LDLRAD3: variants seen among roughly 807,000 people sequenced by gnomAD.
LDLRAD3 encodes low-density lipoprotein receptor class A domain-containing protein 3.
In LDLRAD3, 20 loss-of-function variants were observed where a neutral mutation model predicts 29.4. That is an observed-to-expected ratio of 0.68 (90% CI 0.48 to 0.99). The LOEUF (loss-of-function observed/expected upper bound fraction) is 0.99. Among genes scored for constraint, LDLRAD3 ranks in the 50% least tolerant of loss-of-function variants. The probability of loss-of-function intolerance (pLI) is 0.00; values close to 1 mark genes in which losing one functional copy is unlikely to be tolerated. For missense variants in LDLRAD3, 420 were observed against 454.3 expected, an observed-to-expected ratio of 0.92 and a Z score of 0.69; for synonymous variants, 157 against 192.7, an observed-to-expected ratio of 0.81 and a Z score of 1.53.
intron 4 of LDLRAD3, among the ~76,000 whole-genome samples, chr11:36,224,050 G>A (rs1284779211): frequency 6.7e-6 from 1 of 148,636 alleles, no homozygotes; most frequent in African/African-American, 2.5e-5. Flanking sequence ...TAAATTTTAT[G>A]TTATGTCTAT....
chr11:35,994,460 A>G (rs1851728185), intron 1 of LDLRAD3, among the ~76,000 whole-genome samples: 1 of 152,108 alleles, frequency 6.6e-6, no homozygotes, highest in Non-Finnish European at 1.5e-5. Flanking sequence ...TTATTGCTAG[A>G]AAGTGCTAAT....
At chr11:36,127,867 C>G (rs891661569) in intron 4 of LDLRAD3, among the ~76,000 whole-genome samples, 1 of 151,876 alleles carries the variant, frequency 6.6e-6, no homozygotes, top group Non-Finnish European at 1.5e-5. Context: ...ATTTTTTGTT[C>G]TTCTGCAGGT....
In LDLRAD3 at chr11:36,164,979, A is replaced by T. The variant is rs369384680; in HGVS notation, c.455-62106A>T. Among the ~76,000 whole-genome samples, 18 of 152,316 alleles carry T rather than the reference A, an allele frequency of 1.2e-4. No individual in the cohort carries two copies. The East Asian group carries it at 1.3e-3, about 11-fold the overall frequency. On this transcript the variant is annotated intron_variant, in intron 4 of 5. Transcript: ENST00000315571. ...ATGTTCCCATTATAAAAGTACATAT[A>T]CTCATTACAGGATGTTTGGAAAATA...
intron 2 of LDLRAD3, among the ~76,000 whole-genome samples, chr11:36,074,999 G>T (rs894997376): frequency 1.3e-5 from 2 of 152,132 alleles, no homozygotes; most frequent in East Asian, 3.9e-4. Flanking sequence ...CTAAATTTCA[G>T]TAGGTTTCCC....
chr11:36,181,084 C>T (rs1002555780), intron 4 of LDLRAD3, among the ~76,000 whole-genome samples: 1 of 152,010 alleles, frequency 6.6e-6, no homozygotes, highest in South Asian at 2.1e-4. Flanking sequence ...CTCTTGTCCC[C>T]GTGTGTGGCT....
chr11:36,010,343 G>T (rs891657431), intron 1 of LDLRAD3: 4 of 153,652 alleles, frequency 2.6e-5, no homozygotes, highest in Admixed American at 6.5e-5. Flanking sequence ...CTTTAAGTTT[G>T]CCCAGCCCTT....
intron 1 of LDLRAD3, among the ~76,000 whole-genome samples, chr11:35,961,265 A>T (rs1406929755): frequency 6.6e-6 from 1 of 152,206 alleles, no homozygotes; most frequent in Admixed American, 6.5e-5. Flanking sequence ...GCACTGCTGC[A>T]AGAAGATAAG....
chr11:36,009,211 T>G (rs954506425), intron 1 of LDLRAD3, among the ~76,000 whole-genome samples: 1 of 152,192 alleles, frequency 6.6e-6, no homozygotes, highest in Admixed American at 6.5e-5. Context: ...CCTGGAACTT[T>G]CCTGAAGAGT....
chr11:36,080,642 A>G (rs1853099198), intron 2 of LDLRAD3, among the ~76,000 whole-genome samples: 2 of 152,212 alleles, frequency 1.3e-5, no homozygotes, highest in South Asian at 2.1e-4. Flanking sequence ...ACCACCCCAG[A>G]TTCAGCGATT....
chr11:36,041,436 G>A (rs1852380342), intron 2 of LDLRAD3, among the ~76,000 whole-genome samples: 1 of 152,146 alleles, frequency 6.6e-6, no homozygotes, highest in Admixed American at 6.5e-5. Flanking sequence ...CTAGGTATCT[G>A]TTACCCTGCT....
chr11:36,087,927 C>T (rs1853219735), intron 3 of LDLRAD3, among the ~76,000 whole-genome samples: 1 of 151,940 alleles, frequency 6.6e-6, no homozygotes, highest in African/African-American at 2.4e-5. Flanking sequence ...CCCTGTTACC[C>T]AGGCTAGTGT....
At chr11:35,969,134 A>G (rs1851380767) in intron 1 of LDLRAD3, among the ~76,000 whole-genome samples, 1 of 152,126 alleles carries the variant, frequency 6.6e-6, no homozygotes, top group African/African-American at 2.4e-5. Flanking sequence ...CTAATATTCC[A>G]GATGCAGCCA....
At chr11:35,997,168 T>C (rs1170875476) in intron 1 of LDLRAD3, 2 of 271,742 alleles carry the variant, frequency 7.4e-6, no homozygotes, top group Non-Finnish European at 1.4e-5. Context: ...TGATCCTTTA[T>C]TGAAATGTTT....
At chr11:35,947,088 A>G (rs571627668) in intron 1 of LDLRAD3, among the ~76,000 whole-genome samples, 2 of 152,314 alleles carry the variant, frequency 1.3e-5, no homozygotes, top group East Asian at 3.9e-4. Context: ...GGCCTTGAAG[A>G]GTGGTTTAGA....
At chr11:36,099,299 A>C (rs985270929) in intron 4 of LDLRAD3, among the ~76,000 whole-genome samples, 18 of 151,470 alleles carry the variant, frequency 1.2e-4, no homozygotes, top group Non-Finnish European at 4.4e-5. Flanking sequence ...TTCTTTACTC[A>C]TGGACTCTTT....
Position 36,227,355 on chromosome 11 carries a change from T to TGG in LDLRAD3, c.726_727dup (p.Ala243GlyfsTer12). Reference sequence around the variant, plus strand: ...AACGTCAATAATGGCATCCAGTATGTGGCCAGCCAGGCGGAGCAGAATGCG... The same window carrying TGG: ...AACGTCAATAATGGCATCCAGTATGTGGGGCCAGCCAGGCGGAGCAGAATGCG... On this transcript the variant is annotated frameshift_variant, in exon 5 of 6. Coordinates refer to ENST00000315571, the MANE Select transcript of LDLRAD3 (RefSeq NM_174902.4). LOFTEE classifies it high-confidence loss of function. 7 of 1,614,088 alleles carry TGG rather than the reference T, an allele frequency of 4.3e-6. No individual in the cohort carries two copies. Among genetic ancestry groups the TGG allele is most frequent in the Non-Finnish European group, 5.9e-6 (7 of 1,179,996 alleles).
intron 3 of LDLRAD3, 148 bp from the exon 4 acceptor site, chr11:36,098,179 G>A: frequency 1.1e-6 from 1 of 948,456 alleles, no homozygotes; most frequent in East Asian, 2.6e-5. Flanking sequence ...TGGCTGGCCA[G>A]CCTTACAGCA....
At chr11:36,147,984 C>T (rs1854222978) in intron 4 of LDLRAD3, among the ~76,000 whole-genome samples, 1 of 152,170 alleles carries the variant, frequency 6.6e-6, no homozygotes, top group Admixed American at 6.5e-5. Flanking sequence ...GATTCTCCTG[C>T]CTCAGCCTTG....
At chr11:36,165,976 CCCTTCCTT>C (rs1242167369) in intron 4 of LDLRAD3, among the ~76,000 whole-genome samples, 4 of 101,478 alleles carry the variant, frequency 3.9e-5, no homozygotes, top group African/African-American at 1.5e-4. Flanking sequence ...CTCCCTCCCT[CCCTTCCTT>C]CCTTCCTTCC....
Sources: gnomAD v4.1 joint callset for allele counts (sites outside exome capture counted in the v4.1 genomes callset) on GRCh38, gnomAD v4.1.1 for gene constraint, MANE v1.5 for transcripts, NCBI Gene and HGNC (gene_info 2026-07-23, HGNC 2026-07-21) for gene names.